Variants in TUBGCP4 observed in about 807,000 individuals in gnomAD.
TUBGCP4 encodes the protein tubulin gamma complex component 4.
In TUBGCP4, 54 loss-of-function variants were observed where a neutral mutation model predicts 91.6. The observed-to-expected ratio is 0.59, with a 90% CI of 0.47 to 0.74. The LOEUF is 0.74. Among genes scored for constraint, TUBGCP4 ranks in the 30% least tolerant of loss-of-function variants. TUBGCP4 has a pLI of 0.00. For synonymous variants in TUBGCP4, 297 were observed against 302.8 expected, an observed-to-expected ratio of 0.98 and a Z score of 0.20; for missense variants, 593 against 800.9, an observed-to-expected ratio of 0.74 and a Z score of 3.13.
rs759792821 is a variant in TUBGCP4, at chr15:43,407,333, AAC to A, written c.*2123_*2124del. 6.4e-7 allele frequency: 1 copy of A among 1,562,230 alleles called. No homozygotes were observed. The highest frequency in any genetic ancestry group is 1.3e-5 in the African/African-American group (1 of 74,102). On this transcript the variant is annotated 3_prime_UTR_variant, in exon 18 of 18. Transcript: ENST00000564079. ...CAAGACACATTTAAAACCTGGTTAA[AAC>A]ACAATCTCCACGATAGCAGGGAATA...
At chr15:43,382,486 G>C (rs1385301747) in intron 6 of TUBGCP4, among the ~76,000 whole-genome samples, 2 of 152,044 alleles carry the variant, frequency 1.3e-5, no homozygotes, top group Non-Finnish European at 2.9e-5. Flanking sequence ...TGGTGTTTTG[G>C]ATGACGCTGA....
intron 7 of TUBGCP4, among the ~76,000 whole-genome samples, chr15:43,384,381 T>C (rs1277044705): frequency 6.6e-6 from 1 of 152,156 alleles, no homozygotes. Flanking sequence ...TCTTGGAACA[T>C]GGTCATGGGA....
At chr15:43,395,185 C>G in intron 10 of TUBGCP4, 28 bp downstream of exon 10, 1 of 1,612,856 alleles carries the variant, frequency 6.2e-7, no homozygotes, top group South Asian at 1.1e-5. Context: ...GTAATTCTTA[C>G]GGTGATGCTG....
chr15:43,382,014 A>G (rs1024069232), intron 6 of TUBGCP4, among the ~76,000 whole-genome samples: 1 of 151,942 alleles, frequency 6.6e-6, no homozygotes, highest in African/African-American at 2.4e-5. Flanking sequence ...GCTTGAGCCT[A>G]GGAGACCAGC....
Position 43,371,139 on chromosome 15 carries a change from C to T in TUBGCP4, c.-216C>T. On this transcript the variant is annotated 5_prime_UTR_variant, in exon 1 of 18. Transcript: ENST00000564079. Reference sequence around the variant, plus strand: ...CCCGGGCGGGAGTAGCTGGTGGACCCCGTTGAGCTGCCGAACTTCCGGGAC... The same window carrying T: ...CCCGGGCGGGAGTAGCTGGTGGACCTCGTTGAGCTGCCGAACTTCCGGGAC... 2 of 610,324 alleles carry T rather than the reference C, an allele frequency of 3.3e-6. No homozygotes were observed. The highest frequency in any genetic ancestry group is 5.9e-6 in the Non-Finnish European group (2 of 339,754). 37.8% of individuals were successfully genotyped at this position (610,324 alleles called of 1,614,324 possible). A position where few individuals can be genotyped will look rare whatever the true frequency, so the allele number is the denominator to read the frequency against.
intron 6 of TUBGCP4, among the ~76,000 whole-genome samples, chr15:43,382,232 AAAAAGAAAAAT>A (rs148149124): frequency 0.26 from 39,064 of 150,564 alleles, 8,067 homozygotes; most frequent in African/African-American, 0.57. Context: ...GAAAAAAGAA[AAAAAGAAAAAT>A]AAAAGAAAAA....
chr15:43,392,942 A>C (rs11637572), intron 9 of TUBGCP4, among the ~76,000 whole-genome samples: 74,103 of 152,002 alleles, frequency 0.49, 22,731 homozygotes, highest in African/African-American at 0.87. Flanking sequence ...TCCTACCCTG[A>C]CAGTCCCCAA....
chr15:43,376,561 T>C lies in TUBGCP4; in HGVS notation c.266T>C (p.Phe89Ser), dbSNP rs1287593453. Residue 89 changes from phenylalanine to serine, a missense_variant, in exon 3 of 18, where the codon TTC becomes TCC. By Grantham distance (155) the Phe-to-Ser change is radical. Transcript: ENST00000564079. The stretch of plus-strand genomic sequence containing the variant: ...TTACATGGAATCTACCTGCGGGCCT[T>C]CTGCACAGGGCTGGATTCTGTTTTG... The part of the protein sequence containing the change: ...GGLHGIYLRA[F>S]CTGLDSVLQP... 6.2e-7 allele frequency: 1 copy of C among 1,614,112 alleles called. No individual in the cohort carries two copies. The highest frequency in any genetic ancestry group is 1.1e-5 in the South Asian group (1 of 91,090).
chr15:43,374,035 C>G (rs1235394327), intron 1 of TUBGCP4, among the ~76,000 whole-genome samples: 1 of 152,200 alleles, frequency 6.6e-6, no homozygotes, highest in African/African-American at 2.4e-5. Context: ...TCATTAAAAT[C>G]TACATTAATT....
intron 5 of TUBGCP4, among the ~76,000 whole-genome samples, chr15:43,379,019 C>T (rs2044247397): frequency 6.6e-6 from 1 of 152,224 alleles, no homozygotes; most frequent in Non-Finnish European, 1.5e-5. Flanking sequence ...CTCAGTTGGC[C>T]TTCAACTTCC....
At position 43,371,195 on chromosome 15, in the gene TUBGCP4, C is replaced by T. The variant is rs1213279778; in HGVS notation, c.-160C>T. 9.7e-6 allele frequency: 7 copies of T among 718,462 alleles called. No homozygotes were observed. The highest frequency in any genetic ancestry group is 6.8e-5 in the South Asian group (4 of 59,192). The allele number at this position is 718,462 out of a possible 1,614,324, so 44.5% of individuals were successfully genotyped here. The stretch of plus-strand genomic sequence containing the variant: ...CGCGACCCCTTCCCAGCTTCCCGTC[C>T]GCTCCGCCGCAGCGATTGTCTCGGT... On this transcript the variant is annotated 5_prime_UTR_variant, in exon 1 of 18. Transcript: ENST00000564079.
At chr15:43,399,584 A>G (rs1175982278) in intron 13 of TUBGCP4, among the ~76,000 whole-genome samples, 3 of 152,146 alleles carry the variant, frequency 2.0e-5, no homozygotes, top group African/African-American at 7.2e-5. Flanking sequence ...GAGCTTAAGT[A>G]ATTCTCCTGC....
intron 7 of TUBGCP4, among the ~76,000 whole-genome samples, chr15:43,384,973 A>C (rs542188416): frequency 6.6e-6 from 1 of 152,232 alleles, no homozygotes; most frequent in Non-Finnish European, 1.5e-5. Flanking sequence ...CAGTAGGCTT[A>C]GTGAGTGCTT....
At position 43,397,297 on chromosome 15, in the gene TUBGCP4, G is replaced by A. The variant is rs368973873; in HGVS notation, c.1255G>A (p.Glu419Lys). Residue 419 changes from glutamate to lysine, a missense_variant, in exon 12 of 18, where the codon GAG (glutamate) becomes AAG (lysine). Coordinates refer to ENST00000564079, the MANE Select transcript of TUBGCP4 (RefSeq NM_014444.5). ...TCTCCCTCTGTTGCACTTGACAATC[G>A]AGTATCACGGAAAGGAGCACAAAGG... ...NLLPLLHLTI[E>K]YHGKEHKDAT... The A allele has an allele frequency of 1.9e-6, 3 of 1,614,030 alleles. No individual in the cohort carries two copies. The highest frequency in any genetic ancestry group is 2.5e-6 in the Non-Finnish European group (3 of 1,179,954).
chr15:43,409,676 A>AG lies in TUBGCP4; in HGVS notation c.*4463dup. On this transcript the variant is annotated 3_prime_UTR_variant, in exon 18 of 18. Coordinates refer to ENST00000564079, the MANE Select transcript of TUBGCP4 (RefSeq NM_014444.5). ...GCTTCATTGAAATCTTCAAGGATAT[A>AG]GCCAGCTCCTGCTCGAAGCTGGGAT... 1 of 1,574,840 alleles carries AG rather than the reference A, an allele frequency of 6.3e-7. No individual in the cohort carries two copies. Among genetic ancestry groups the AG allele is most frequent in the Non-Finnish European group, 8.6e-7 (1 of 1,162,802 alleles).
At chr15:43,393,047 G>A (rs542526661) in intron 9 of TUBGCP4, among the ~76,000 whole-genome samples, 1 of 152,248 alleles carries the variant, frequency 6.6e-6, no homozygotes, top group South Asian at 2.1e-4. Context: ...CACTCTTTTG[G>A]AGGAGGAGAC....
Position 43,386,620 on chromosome 15 carries a change from G to C in TUBGCP4, c.1014+290G>C, listed in dbSNP as rs549377386. 8.6e-4 allele frequency among the ~76,000 whole-genome samples: 126 copies of C among 147,012 alleles called. 1 individual carries two copies. The highest frequency in any genetic ancestry group is 3.1e-3 in the African/African-American group (123 of 39,864). On this transcript the variant is annotated intron_variant, in intron 9 of 17. Transcript: ENST00000564079. ...TGCACCTGTAGTCCCAGCTACTTACGAGGCTGAGGCAGGAGAATCGCTTGA... is the reference window on the plus strand; with the variant it reads ...TGCACCTGTAGTCCCAGCTACTTACCAGGCTGAGGCAGGAGAATCGCTTGA...
rs562970203 is a variant in TUBGCP4 at position 43,392,951 on chromosome 15, A to G, written c.1015-2156A>G. ...CACTCTTCCTACCCTGACAGTCCCC[A>G]AGCAGCCACTGATCTGATCTACTCC... On this transcript the variant is annotated intron_variant, in intron 9 of 17. Coordinates refer to ENST00000564079, the MANE Select transcript of TUBGCP4 (RefSeq NM_014444.5). Among the ~76,000 whole-genome samples, 4 of 152,232 alleles carry G rather than the reference A, an allele frequency of 2.6e-5. No homozygotes were observed. In the South Asian group the frequency reaches 8.3e-4, roughly 32 times the overall value.
rs2044840007 is a variant in TUBGCP4 at position 43,405,527 on chromosome 15, A to G, written c.*313A>G. On this transcript the variant is annotated 3_prime_UTR_variant, in exon 18 of 18. Transcript: ENST00000564079. ...CTACTACGTACCTTGGTACTGTTCA[A>G]GCTGTGGGAGATACAGCGGTAAACA... 2.7e-6 allele frequency: 1 copy of G among 369,534 alleles called. No homozygotes were observed. The allele number at this position is 369,534 out of a possible 1,614,324, so 22.9% of individuals were successfully genotyped here. A position where few individuals can be genotyped will look rare whatever the true frequency, so the allele number is the denominator to read the frequency against.
Sources: allele counts gnomAD v4.1 joint callset (sites outside exome capture counted in the v4.1 genomes callset), GRCh38; gene constraint gnomAD v4.1.1; transcripts MANE v1.5; gene names NCBI Gene and HGNC (gene_info 2026-07-23, HGNC 2026-07-21).